The following KHNYN variants were observed in gnomAD, a reference collection of about 807,000 sequenced individuals.
The protein encoded by KHNYN is KH and NYN domain containing.
Under a neutral mutation model 62.7 loss-of-function variants are expected in KHNYN, and 42 were observed. The ratio of observed to expected loss-of-function variants is 0.67; its 90% CI spans 0.52 to 0.87. The LOEUF (loss-of-function observed/expected upper bound fraction) is 0.87, where lower values mean the gene tolerates loss of function less well. Ranked by LOEUF, KHNYN falls within the 40% of genes least tolerant of loss-of-function variation. The pLI is 0.00. For missense variants in KHNYN, 829 were observed against 874.1 expected, an observed-to-expected ratio of 0.95 and a Z score of 0.65; for synonymous variants, 347 against 345.6, an observed-to-expected ratio of 1.00 and a Z score of -0.04.
rs2043302427 is a variant in KHNYN at position 24,440,570 on chromosome 14, C to T, written c.*3285C>T. The stretch of plus-strand genomic sequence containing the variant: ...CACTGCTCCTCCTGGTTTCTGTTTC[C>T]CCTTCCTCACTCTCCCCATGCTGAC... On this transcript the variant is annotated 3_prime_UTR_variant, in exon 8 of 8. Transcript: ENST00000553935. 6.7e-7 allele frequency: 1 copy of T among 1,495,558 alleles called. No individual in the cohort carries two copies. The allele number at this position is 1,495,558 out of a possible 1,614,324, so 92.6% of individuals were successfully genotyped here. A position where few individuals can be genotyped will look rare whatever the true frequency, so the allele number is the denominator to read the frequency against.
upstream of KHNYN, chr14:24,428,101 TGAGGGG>T (rs1226603173): frequency 7.4e-7 from 1 of 1,347,600 alleles, no homozygotes; most frequent in Non-Finnish European, 1.0e-6. Flanking sequence ...CCGGGAGGGC[TGAGGGG>T]CGGCCAGCAT....
rs1288255803 is a variant in KHNYN at position 24,432,928 on chromosome 14, T to A, written c.1481-8T>A. 1 of 1,614,218 alleles carries A rather than the reference T, an allele frequency of 6.2e-7. No homozygotes were observed. Among genetic ancestry groups the A allele is most frequent in the South Asian group, 1.1e-5 (1 of 91,086 alleles). On this transcript the variant is annotated splice_polypyrimidine_tract_variant and splice_region_variant and intron_variant, in intron 4 of 7. Coordinates refer to ENST00000553935, the MANE Select transcript of KHNYN (RefSeq NM_015299.3). This position sits in a 1 kb window ranked among gnomAD's most constrained non-coding sequence, Gnocchi z 5.6. ...TGAGGAGAACCCTATTATGTTCTTT[T>A]TCAATAGAGAGTCACTTCCTGCAAA...
chr14:24,436,979 A>C, intron 7 of KHNYN, 57 bp from the exon 8 acceptor site: 1 of 1,566,792 alleles, frequency 6.4e-7, no homozygotes, highest in Non-Finnish European at 8.7e-7. Flanking sequence ...GTGCCCACTA[A>C]GATCTAATTT....
In KHNYN at chr14:24,436,131, G is replaced by A. The variant is rs763512865; in HGVS notation, c.1637G>A (p.Arg546Gln). 1.2e-5 allele frequency: 19 copies of A among 1,614,022 alleles called. No homozygotes were observed. Among genetic ancestry groups the A allele is most frequent in the Middle Eastern group, 1.6e-4 (1 of 6,070 alleles). The change falls in exon 6 of 8, where the codon CGG becomes CAG. Residue 546 changes from arginine to glutamine, a missense_variant. Coordinates refer to ENST00000553935, the MANE Select transcript of KHNYN (RefSeq NM_015299.3). ...ATAATTGTCTCCAATGACCAGTTCCGGGACCTGGCGGAGGAGTCTGAGAAG... is the reference window on the plus strand; with the variant it reads ...ATAATTGTCTCCAATGACCAGTTCCAGGACCTGGCGGAGGAGTCTGAGAAG... ...DGIIVSNDQF[R>Q]DLAEESEKWM...
In KHNYN at chr14:24,430,878, C is replaced by T; in HGVS notation, c.148C>T (p.Pro50Ser). 1.2e-6 allele frequency: 2 copies of T among 1,614,020 alleles called. No homozygotes were observed. Among genetic ancestry groups the T allele is most frequent in the Non-Finnish European group, 1.7e-6 (2 of 1,179,958 alleles). ...CCTTCCGAAGGACTGTCCGGACAAC[C>T]CCCACATCTGGCTGCAGCTGGAGGG... is the stretch of plus-strand genomic sequence containing the variant. ...SVLPKDCPDN[P>S]HIWLQLEGPK... The change falls in exon 2 of 8, where the codon CCC (proline) becomes TCC (serine). Residue 50 changes from proline (P) to serine (S), a missense_variant. Physicochemically the swap from Pro to Ser is moderately conservative, Grantham distance 74. Transcript: ENST00000553935.
rs766067730 is a variant in KHNYN at position 24,432,728 on chromosome 14, C to G, written c.1356C>G (p.Gly452=). Residue 452 remains glycine, a synonymous_variant, in exon 4 of 8, where the codon GGC becomes GGG. Transcript: ENST00000553935. This position sits in a 1 kb window ranked among gnomAD's most constrained non-coding sequence, Gnocchi z 5.6. ...IDGSNVAMVH[G]LQHYFSSRGI... is the part of the protein sequence containing the mutation. ...CGACCCCCTCCCACTACAGGCATGG[C>G]CTCCAGCACTACTTCTCCAGCCGGG... 3.7e-6 allele frequency: 6 copies of G among 1,614,040 alleles called. No individual in the cohort carries two copies. Among genetic ancestry groups the G allele is most frequent in the Middle Eastern group, 3.3e-4 (2 of 6,084 alleles).
At position 24,431,548 on chromosome 14, in the gene KHNYN, A is replaced by T; in HGVS notation, c.287A>T (p.Gln96Leu). The change falls in exon 3 of 8, where the codon CAG (glutamine) becomes CTG (leucine). Residue 96 changes from glutamine to leucine, a missense_variant. By Grantham distance (113) the Gln-to-Leu change is moderately radical. This residue lies in a region of KHNYN where 559 missense variants were observed against 527.0 expected (regional missense o/e 1.06). Coordinates refer to ENST00000553935, the MANE Select transcript of KHNYN (RefSeq NM_015299.3). ...PKLHCIFLGA[Q>L]GFFLDCLAWS... ...CTGCACTGCATCTTTCTGGGAGCCC[A>T]GGGCTTCTTCCTTGACTGCCTGGCC... 6.2e-7 allele frequency: 1 copy of T among 1,612,438 alleles called. No homozygotes were observed. The highest frequency in any genetic ancestry group is 8.5e-7 in the Non-Finnish European group (1 of 1,178,734).
chr14:24,429,822 G>A, upstream of KHNYN: 1 of 1,059,866 alleles, frequency 9.4e-7, no homozygotes, highest in Non-Finnish European at 1.1e-6. Context: ...GGCGAGCCCT[G>A]GAGCCGCCGA....
chr14:24,428,008 G>T (rs748180106), upstream of KHNYN: 1 of 1,606,754 alleles, frequency 6.2e-7, no homozygotes, highest in South Asian at 1.1e-5. Context: ...AGCCCAGTTA[G>T]CCCCCATTCC....
At chr14:24,430,440 C>T (rs1594751493) in intron 1 of KHNYN, 2 of 1,258,872 alleles carry the variant, frequency 1.6e-6, no homozygotes, top group African/African-American at 1.5e-5. Flanking sequence ...GCTGGAGCCC[C>T]CCCACCCTTC....
At chr14:24,429,835 G>A, upstream of KHNYN, 1 of 1,042,428 alleles carries the variant, frequency 9.6e-7, no homozygotes, top group Non-Finnish European at 1.2e-6. Context: ...GCCGCCGAGG[G>A]GACTAGGCCG....
Position 24,441,800 on chromosome 14 carries a change from A to T in KHNYN, c.*4515A>T, listed in dbSNP as rs1484315496. On this transcript the variant is annotated 3_prime_UTR_variant, in exon 8 of 8. Transcript: ENST00000553935. ...TTTTGGAAGGTTTCATTCCATCTGC[A>T]GGAGAAACATGGGAAATAAAAAGCC... 1 of 1,605,188 alleles carries T rather than the reference A, an allele frequency of 6.2e-7. No individual in the cohort carries two copies. Among genetic ancestry groups the T allele is most frequent in the Non-Finnish European group, 8.5e-7 (1 of 1,176,760 alleles).
At position 24,431,956 on chromosome 14, in the gene KHNYN, GGGAGTCCCT is replaced by G. The variant is rs1172331754; in HGVS notation, c.699_707del (p.Glu233_Leu235del). ...GTGAGAGCTCCCCCTAGTGACGGCAGGGAGTCCCTGGACACTGGATCTATGGGACCCGGA... is the reference window on the plus strand; with the variant it reads ...GTGAGAGCTCCCCCTAGTGACGGCAGGGACACTGGATCTATGGGACCCGGA... On this transcript the variant is annotated inframe_deletion, in exon 3 of 8. Transcript: ENST00000553935. 1 of 1,613,162 alleles carries G rather than the reference GGGAGTCCCT, an allele frequency of 6.2e-7. No individual in the cohort carries two copies. The highest frequency in any genetic ancestry group is 8.5e-7 in the Non-Finnish European group (1 of 1,179,456).
At chr14:24,423,869 A>G in the KHNYN span, among the ~76,000 whole-genome samples, 1 of 152,214 alleles carries the variant, frequency 6.6e-6, no homozygotes, top group Non-Finnish European at 1.5e-5. Context: ...GTACCTGGAG[A>G]GGACCACACA....
At position 24,440,487 on chromosome 14, in the gene KHNYN, C is replaced by G; in HGVS notation, c.*3202C>G. On this transcript the variant is annotated 3_prime_UTR_variant, in exon 8 of 8. Coordinates refer to ENST00000553935, the MANE Select transcript of KHNYN (RefSeq NM_015299.3). ...ATGGCACCACCCCCACGGCCCAGCA[C>G]AACCCCTAGAGCAGGAAAGAGGGAA... is the stretch of plus-strand genomic sequence containing the variant. The G allele has an allele frequency of 6.2e-7, 1 of 1,603,522 alleles. No homozygotes were observed. Among genetic ancestry groups the G allele is most frequent in the Non-Finnish European group, 8.5e-7 (1 of 1,175,076 alleles).
chr14:24,432,818 T>G lies in KHNYN; in HGVS notation c.1446T>G (p.Pro482=). 1 of 1,614,236 alleles carries G rather than the reference T, an allele frequency of 6.2e-7. No homozygotes were observed. The highest frequency in any genetic ancestry group is 8.5e-7 in the Non-Finnish European group (1 of 1,180,030). ...ACCGTGACATAACTGTCTTTGTGCC[T>G]CAGTGGCGCTTCAGTAAGGATGCCA... ...RGHRDITVFV[P]QWRFSKDAKV... is the part of the protein sequence containing the mutation. Residue 482 remains proline, a synonymous_variant, in exon 4 of 8, where the codon CCT becomes CCG. Transcript: ENST00000553935. The surrounding 1 kb of genome is among the most constrained non-coding windows in gnomAD (Gnocchi z 5.6).
rs1484498677 is a variant in KHNYN, at chr14:24,436,445, G to A, written c.1743G>A (p.Gly581=). The change falls in exon 7 of 8, where the codon GGG becomes GGA. Residue 581 remains glycine, a synonymous_variant. Transcript: ENST00000553935. ...TCATGGTACCTGATGACCCACTGGGGCGAAACGGCCCCACCCTGGATGAAT... is the reference window on the plus strand; with the variant it reads ...TCATGGTACCTGATGACCCACTGGGACGAAACGGCCCCACCCTGGATGAAT... ...NLFMVPDDPL[G]RNGPTLDEFL... 1 of 1,613,836 alleles carries A rather than the reference G, an allele frequency of 6.2e-7. No homozygotes were observed. Among genetic ancestry groups the A allele is most frequent in the Non-Finnish European group, 8.5e-7 (1 of 1,179,912 alleles).
chr14:24,428,022 G>A, upstream of KHNYN: 4 of 1,594,860 alleles, frequency 2.5e-6, no homozygotes, highest in Non-Finnish European at 3.4e-6. Flanking sequence ...CCATTCCCCA[G>A]CCCTTAGCTC....
In KHNYN at chr14:24,439,334, T is replaced by C. The variant is rs571459048; in HGVS notation, c.*2049T>C. On this transcript the variant is annotated 3_prime_UTR_variant, in exon 8 of 8. Coordinates refer to ENST00000553935, the MANE Select transcript of KHNYN (RefSeq NM_015299.3). ...GGTTGACTGAGTGGCCCCAGTCAGA[T>C]GAGAGGCAAGTCCTAAGCTTCTTAT... The C allele has an allele frequency of 6.6e-6, 1 of 152,332 alleles. No homozygotes were observed. Among genetic ancestry groups the C allele is most frequent in the South Asian group, 2.1e-4 (1 of 4,822 alleles). The allele number at this position is 152,332 out of a possible 1,614,324, so 9.4% of individuals were successfully genotyped here. A position where few individuals can be genotyped will look rare whatever the true frequency, so the allele number is the denominator to read the frequency against.
Sources: allele counts gnomAD v4.1 joint callset (sites outside exome capture counted in the v4.1 genomes callset), GRCh38; gene constraint gnomAD v4.1.1; regional missense constraint gnomAD v4.1.1; non-coding constraint Gnocchi (gnomAD v3.1); transcripts MANE v1.5; gene names NCBI Gene and HGNC (gene_info 2026-07-23, HGNC 2026-07-21).